Variants in ZNF362 observed in about 807,000 individuals in gnomAD.
The protein encoded by ZNF362 is zinc finger protein 362.
Under a neutral mutation model 42.9 loss-of-function variants are expected in ZNF362, and 11 were observed. The ratio of observed to expected loss-of-function variants is 0.26; its 90% CI spans 0.16 to 0.42. The LOEUF is 0.42. Among genes scored for constraint, ZNF362 ranks in the 20% least tolerant of loss-of-function variants. The pLI is 1.00. For missense variants in ZNF362, 362 were observed against 576.2 expected, an observed-to-expected ratio of 0.63 and a Z score of 3.81; for synonymous variants, 255 against 257.3, an observed-to-expected ratio of 0.99 and a Z score of 0.09.
the ZNF362 span, among the ~76,000 whole-genome samples, chr1:33,250,896 G>GGAGA: frequency 2.5e-5 from 1 of 39,924 alleles, no homozygotes; most frequent in Admixed American, 2.9e-4. Context: ...GAAGAAGAAG[G>GGAGA]AGAAGAAGAA....
the ZNF362 span, among the ~76,000 whole-genome samples, chr1:33,133,951 C>T: frequency 7.2e-5 from 11 of 152,260 alleles, no homozygotes; most frequent in Non-Finnish European, 1.2e-4. Context: ...CCTTATCTTA[C>T]TCAACCTGGC....
the ZNF362 span, among the ~76,000 whole-genome samples, chr1:33,207,910 G>T: frequency 1.3e-5 from 2 of 152,098 alleles, no homozygotes; most frequent in Non-Finnish European, 2.9e-5. Context: ...TGTTCACTCT[G>T]ATGATAGTTT....
the ZNF362 span, among the ~76,000 whole-genome samples, chr1:33,244,591 C>G: frequency 1.3e-5 from 2 of 152,154 alleles, no homozygotes; most frequent in Non-Finnish European, 2.9e-5. The surrounding 1 kb of genome is among the most constrained non-coding windows in gnomAD (Gnocchi z 4.0). Context: ...CTGATGCCAC[C>G]CTTTGTGGGG....
the ZNF362 span, among the ~76,000 whole-genome samples, chr1:33,170,186 C>T: frequency 5.9e-5 from 9 of 151,978 alleles, no homozygotes; most frequent in Non-Finnish European, 1.2e-4. Context: ...AAAAATTAGC[C>T]AGGCATGGTG....
the ZNF362 span, among the ~76,000 whole-genome samples, chr1:33,160,684 C>T: frequency 1.1e-4 from 17 of 152,226 alleles, no homozygotes; most frequent in African/African-American, 3.9e-4. Context: ...GGATTACAGG[C>T]GTGAGCCATC....
intron 2 of ZNF362, chr1:33,275,455 T>TG: frequency 1.1e-6 from 1 of 910,510 alleles, no homozygotes; most frequent in Non-Finnish European, 1.3e-6. Context: ...GGTCAGATGT[T>TG]GCACGTGACA....
the ZNF362 span, among the ~76,000 whole-genome samples, chr1:33,174,634 C>T: frequency 1.3e-5 from 2 of 152,288 alleles, no homozygotes; most frequent in South Asian, 2.1e-4. Context: ...TGAACCCAGT[C>T]CGTGGAACAA....
chr1:33,237,542 CT>C, the ZNF362 span, among the ~76,000 whole-genome samples: 6 of 152,212 alleles, frequency 3.9e-5, no homozygotes, highest in African/African-American at 1.4e-4. Flanking sequence ...CTCTTTCCCC[CT>C]GAAGCTTCAG....
At chr1:33,272,533 C>T (rs1258592340) in intron 2 of ZNF362, among the ~76,000 whole-genome samples, 1 of 152,172 alleles carries the variant, frequency 6.6e-6, no homozygotes, top group African/African-American at 2.4e-5. Flanking sequence ...CATTTGCTCC[C>T]CTGTAAGGAT....
chr1:33,295,096 T>C (rs1284504166), intron 7 of ZNF362, 51 bp from the exon 8 acceptor site: 2 of 1,548,184 alleles, frequency 1.3e-6, no homozygotes, highest in Non-Finnish European at 1.8e-6. Context: ...AGGAAGGGGG[T>C]GGGGTGAGGG....
intron 8 of ZNF362, among the ~76,000 whole-genome samples, chr1:33,297,513 CT>C (rs55931056): frequency 2.7e-4 from 33 of 121,060 alleles, no homozygotes; most frequent in African/African-American, 9.1e-4. Flanking sequence ...CATGATTCCT[CT>C]TTTTTTTTTT....
the ZNF362 span, among the ~76,000 whole-genome samples, chr1:33,158,914 C>T: frequency 1.1e-4 from 16 of 151,842 alleles, no homozygotes; most frequent in Non-Finnish European, 2.1e-4. Context: ...GATCTCAGCT[C>T]ACTGCAACCT....
the ZNF362 span, among the ~76,000 whole-genome samples, chr1:33,226,837 C>T: frequency 6.6e-6 from 1 of 152,198 alleles, no homozygotes; most frequent in Non-Finnish European, 1.5e-5. Flanking sequence ...TGCACTCCAG[C>T]CTGGGCCATA....
chr1:33,189,647 A>C, the ZNF362 span, among the ~76,000 whole-genome samples: 1 of 16,658 alleles, frequency 6.0e-5, no homozygotes, highest in African/African-American at 1.2e-4. Flanking sequence ...ATATATATAT[A>C]TATATATATA....
the ZNF362 span, among the ~76,000 whole-genome samples, chr1:33,158,573 A>G: frequency 6.6e-6 from 1 of 152,320 alleles, no homozygotes; most frequent in South Asian, 2.1e-4. Flanking sequence ...AATGGGTGCT[A>G]TGCTAGCATC....
the ZNF362 span, among the ~76,000 whole-genome samples, chr1:33,207,738 A>G: frequency 6.6e-6 from 1 of 152,324 alleles, no homozygotes; most frequent in East Asian, 1.9e-4. Flanking sequence ...TGTTGGCTGC[A>G]TAAATGTCTT....
the ZNF362 span, among the ~76,000 whole-genome samples, chr1:33,223,527 A>G: frequency 6.6e-6 from 1 of 152,198 alleles, no homozygotes; most frequent in Non-Finnish European, 1.5e-5. Flanking sequence ...TTCTATTACC[A>G]TTTACCTCCT....
chr1:33,273,063 C>T (rs1317166823), intron 2 of ZNF362, among the ~76,000 whole-genome samples: 1 of 152,260 alleles, frequency 6.6e-6, no homozygotes, highest in East Asian at 1.9e-4. Flanking sequence ...CACCAGGGCC[C>T]ACCCTCTTGT....
the ZNF362 span, among the ~76,000 whole-genome samples, chr1:33,135,957 T>C: frequency 7.6e-6 from 1 of 130,864 alleles, no homozygotes; most frequent in Non-Finnish European, 1.6e-5. Flanking sequence ...CTGCCGGTAA[T>C]GTATTTCTTT....
Sources: gnomAD v4.1 joint callset for allele counts (sites outside exome capture counted in the v4.1 genomes callset) on GRCh38, gnomAD v4.1.1 for gene constraint, Gnocchi (gnomAD v3.1) non-coding constraint, MANE v1.5 for transcripts, NCBI Gene and HGNC (gene_info 2026-07-23, HGNC 2026-07-21) for gene names.